The following CCDC60 variants were observed in gnomAD, a reference collection of about 807,000 sequenced individuals.
The protein encoded by CCDC60 is coiled-coil domain-containing protein 60.
In CCDC60, 54 loss-of-function variants were observed where a neutral mutation model predicts 63.5. That is an observed-to-expected ratio of 0.85 (90% CI 0.68 to 1.07). The LOEUF is 1.07. CCDC60 is among the 50% of genes least tolerant of loss of function. The probability of loss-of-function intolerance (pLI) is 0.00; values close to 1 mark genes in which losing one functional copy is unlikely to be tolerated. For missense variants in CCDC60, 651 were observed against 684.3 expected, an observed-to-expected ratio of 0.95 and a Z score of 0.54; for synonymous variants, 206 against 238.8, an observed-to-expected ratio of 0.86 and a Z score of 1.27.
intron 1 of CCDC60, among the ~76,000 whole-genome samples, chr12:119,403,038 T>C (rs1593036112): frequency 6.6e-6 from 1 of 152,220 alleles, no homozygotes; most frequent in Non-Finnish European, 1.5e-5. Context: ...TCCAGATACA[T>C]ACTCTTCTTT....
At chr12:119,538,596 T>C (rs1322272870) in intron 13 of CCDC60, among the ~76,000 whole-genome samples, 1 of 152,232 alleles carries the variant, frequency 6.6e-6, no homozygotes, top group Non-Finnish European at 1.5e-5. Context: ...CTCTAACCTT[T>C]TTTAGAGGTT....
chr12:119,479,013 G>C, intron 3 of CCDC60, 81 bp from the exon 4 acceptor site: 1 of 958,122 alleles, frequency 1.0e-6, no homozygotes, highest in South Asian at 1.3e-5. Flanking sequence ...CATATCTGCC[G>C]AATAGACCGT....
chr12:119,488,378 C>A (rs117563197), intron 4 of CCDC60, among the ~76,000 whole-genome samples: 4 of 152,126 alleles, frequency 2.6e-5, no homozygotes, highest in Admixed American at 2.6e-4. Context: ...TCCTTGAAGC[C>A]TCTCATTTGC....
chr12:119,403,674 C>T (rs750223119), intron 1 of CCDC60, among the ~76,000 whole-genome samples: 9 of 151,982 alleles, frequency 5.9e-5, no homozygotes, highest in South Asian at 4.2e-4. Flanking sequence ...CCCTTTCTAC[C>T]GCTCCCTTGT....
intron 2 of CCDC60, among the ~76,000 whole-genome samples, chr12:119,452,133 A>C (rs1378836918): frequency 6.6e-6 from 1 of 152,346 alleles, no homozygotes; most frequent in South Asian, 2.1e-4. Context: ...ATAGAGATAT[A>C]GCTTTTTTGC....
At chr12:119,433,479 T>C in intron 2 of CCDC60, 1 of 702,356 alleles carries the variant, frequency 1.4e-6, no homozygotes, top group East Asian at 2.7e-5. Flanking sequence ...AGATGTTCCA[T>C]CTGGCCACAC....
At chr12:119,528,890 A>C in intron 12 of CCDC60, 144 bp downstream of exon 12, 1 of 765,726 alleles carries the variant, frequency 1.3e-6, no homozygotes, top group Non-Finnish European at 2.0e-6. Context: ...AGGATCCCCC[A>C]CCCCCCAGAA....
chr12:119,460,555 C>T (rs1950837066), intron 2 of CCDC60, among the ~76,000 whole-genome samples: 1 of 152,224 alleles, frequency 6.6e-6, no homozygotes. Context: ...ATTTTCAACA[C>T]ATATTTCTTT....
At chr12:119,366,003 T>C (rs761009908) in intron 1 of CCDC60, among the ~76,000 whole-genome samples, 5 of 152,138 alleles carry the variant, frequency 3.3e-5, no homozygotes, top group Non-Finnish European at 7.4e-5. Flanking sequence ...CTCACAGTAA[T>C]AATAAGAATA....
chr12:119,427,156 A>G (rs775001997), intron 1 of CCDC60, among the ~76,000 whole-genome samples: 14 of 152,204 alleles, frequency 9.2e-5, no homozygotes, highest in Non-Finnish European at 4.4e-5. Flanking sequence ...ATTTATTGCA[A>G]AGTTATAGGA....
intron 2 of CCDC60, among the ~76,000 whole-genome samples, chr12:119,469,691 C>G (rs941032711): frequency 1.3e-5 from 2 of 152,168 alleles, no homozygotes; most frequent in Non-Finnish European, 2.9e-5. Context: ...CAAATTTAAA[C>G]CTATAGAGGC....
chr12:119,377,895 G>A (rs1955969660), intron 1 of CCDC60, among the ~76,000 whole-genome samples: 1 of 152,150 alleles, frequency 6.6e-6, no homozygotes, highest in Admixed American at 6.5e-5. Context: ...TCACGCCAGG[G>A]AAATCGAGGA....
At chr12:119,346,969 C>T (rs1245609011) in intron 1 of CCDC60, among the ~76,000 whole-genome samples, 3 of 151,770 alleles carry the variant, frequency 2.0e-5, no homozygotes, top group African/African-American at 4.8e-5. Flanking sequence ...GGGTTACAGG[C>T]GTGCCCCACC....
intron 1 of CCDC60, among the ~76,000 whole-genome samples, chr12:119,338,746 G>C (rs1431923822): frequency 1.3e-5 from 2 of 152,228 alleles, no homozygotes; most frequent in Non-Finnish European, 1.5e-5. Flanking sequence ...CAAAATGCCA[G>C]GCGGCCCGGT....
intron 1 of CCDC60, among the ~76,000 whole-genome samples, chr12:119,350,856 T>A (rs1307556104): frequency 6.6e-6 from 1 of 152,188 alleles, no homozygotes; most frequent in Non-Finnish European, 1.5e-5. Flanking sequence ...GGATCCCAGG[T>A]TGCTGTTTCT....
intron 1 of CCDC60, among the ~76,000 whole-genome samples, chr12:119,347,478 G>A (rs1229800537): frequency 2.0e-5 from 3 of 152,134 alleles, no homozygotes; most frequent in African/African-American, 4.8e-5. Flanking sequence ...CACTGGACTT[G>A]TAGCTCCTTG....
At chr12:119,452,428 G>A (rs1020125819) in intron 2 of CCDC60, among the ~76,000 whole-genome samples, 10 of 152,254 alleles carry the variant, frequency 6.6e-5, no homozygotes, top group African/African-American at 2.2e-4. Flanking sequence ...ATGGCTGAGC[G>A]AGACAGGCTT....
chr12:119,409,877 G>A (rs866238869), intron 1 of CCDC60, among the ~76,000 whole-genome samples: 34 of 151,036 alleles, frequency 2.3e-4, no homozygotes, highest in African/African-American at 8.3e-4. Flanking sequence ...CTCTCTCTCT[G>A]CCCTCTTTTC....
intron 1 of CCDC60, among the ~76,000 whole-genome samples, chr12:119,363,602 T>C (rs1456413627): frequency 6.6e-6 from 1 of 152,208 alleles, no homozygotes; most frequent in Non-Finnish European, 1.5e-5. Context: ...TAATATTGCT[T>C]TAAACAGTCA....
Sources: gnomAD v4.1 joint callset for allele counts (sites outside exome capture counted in the v4.1 genomes callset) on GRCh38, gnomAD v4.1.1 for gene constraint, MANE v1.5 for transcripts, NCBI Gene and HGNC (gene_info 2026-07-23, HGNC 2026-07-21) for gene names.